Variants in PDZRN3 observed in about 807,000 individuals in gnomAD.
PDZRN3 encodes the protein PDZ domain containing ring finger 3, also known as E3 ubiquitin-protein ligase PDZRN3.
Under a neutral mutation model 85.7 loss-of-function variants are expected in PDZRN3, and 38 were observed. The observed-to-expected ratio is 0.44, with a 90% CI of 0.34 to 0.58. PDZRN3 has a LOEUF of 0.58. Among genes scored for constraint, PDZRN3 ranks in the 20% least tolerant of loss-of-function variants. The probability of loss-of-function intolerance (pLI) is 0.01; values close to 1 mark genes in which losing one functional copy is unlikely to be tolerated. For missense variants in PDZRN3, 1,629 were observed against 1,506.4 expected (o/e 1.08, Z -1.35); for synonymous variants, 759 against 638.0 (o/e 1.19, Z -2.86).
At chr3:73,413,440 C>G (rs971843811) in intron 3 of PDZRN3, among the ~76,000 whole-genome samples, 2 of 152,134 alleles carry the variant, frequency 1.3e-5, no homozygotes, top group Non-Finnish European at 2.9e-5. Context: ...TCGGGCAGTG[C>G]AATAAATGCT....
intron 6 of PDZRN3, among the ~76,000 whole-genome samples, chr3:73,390,802 T>C (rs1421639550): frequency 1.3e-5 from 2 of 152,150 alleles, no homozygotes; most frequent in South Asian, 2.1e-4. Context: ...TATGGCTGAT[T>C]TGCAGGCTTC....
intron 3 of PDZRN3, among the ~76,000 whole-genome samples, chr3:73,456,614 A>G (rs1702982675): frequency 2.6e-5 from 4 of 152,240 alleles, no homozygotes; most frequent in Admixed American, 1.3e-4. Flanking sequence ...AAAATGACTG[A>G]TAGGACAGTA....
intron 3 of PDZRN3, among the ~76,000 whole-genome samples, chr3:73,412,044 T>C (rs17540143): frequency 0.041 from 6,200 of 152,294 alleles, 128 homozygotes; most frequent in Middle Eastern, 0.051. Context: ...GCTGGTGGCT[T>C]TCACCTTGAA....
chr3:73,503,861 C>A (rs1026895761), intron 3 of PDZRN3, among the ~76,000 whole-genome samples: 1 of 152,068 alleles, frequency 6.6e-6, no homozygotes, highest in Non-Finnish European at 1.5e-5. Context: ...TGCTCTCTGA[C>A]ACATAGGAAA....
chr3:73,506,821 G>C lies in PDZRN3; in HGVS notation c.918+95533C>G, dbSNP rs2106697676. On this transcript the variant is annotated intron_variant, in intron 3 of 9. Coordinates refer to ENST00000263666, the MANE Select transcript of PDZRN3 (RefSeq NM_015009.3). ...TTAGGGAGGTTGACGCAGGAGGATG[G>C]CTTGAGCCCAGGTTGAGGATGCAAT... 1.3e-5 allele frequency among the ~76,000 whole-genome samples: 2 copies of C among 151,924 alleles called. 1 individual carries two copies. The highest frequency in any genetic ancestry group is 4.2e-4 in the South Asian group (2 of 4,802).
chr3:73,482,712 T>C (rs796422146), intron 3 of PDZRN3, among the ~76,000 whole-genome samples: 47 of 152,330 alleles, frequency 3.1e-4, no homozygotes, highest in African/African-American at 1.1e-3. Flanking sequence ...TCAGGGCTGG[T>C]CTGGACAGCC....
intron 3 of PDZRN3, among the ~76,000 whole-genome samples, chr3:73,419,062 T>C (rs1370871103): frequency 1.3e-5 from 2 of 152,148 alleles, no homozygotes; most frequent in African/African-American, 4.8e-5. Context: ...TAGATCCCTA[T>C]GACGGAGAAA....
intron 3 of PDZRN3, among the ~76,000 whole-genome samples, chr3:73,581,751 A>G (rs902513602): frequency 6.6e-6 from 1 of 152,154 alleles, no homozygotes; most frequent in Non-Finnish European, 1.5e-5. Flanking sequence ...CTATTACAGA[A>G]AACATGTTGG....
intron 3 of PDZRN3, among the ~76,000 whole-genome samples, chr3:73,567,691 C>T (rs1199448726): frequency 6.6e-6 from 1 of 152,150 alleles, no homozygotes; most frequent in African/African-American, 2.4e-5. Flanking sequence ...AATCCTCATA[C>T]CTCAAACAGC....
At chr3:73,399,066 G>A (rs1002296456) in intron 5 of PDZRN3, among the ~76,000 whole-genome samples, 11 of 152,134 alleles carry the variant, frequency 7.2e-5, no homozygotes, top group Non-Finnish European at 4.4e-5. Context: ...ACAGACAGGA[G>A]CATTTTTCCA....
chr3:73,397,952 A>C lies in PDZRN3; in HGVS notation c.1254+2970T>G, dbSNP rs567702244. On this transcript the variant is annotated intron_variant, in intron 5 of 9. Transcript: ENST00000263666. ...CGAAAAGCTAATGTCTAATGGTCCT[A>C]ATGGCTTGTGAGCTCCTTAAGGGCA... Among the ~76,000 whole-genome samples the C allele has an allele frequency of 3.9e-5, 6 of 152,270 alleles. No homozygotes were observed. In the South Asian group the frequency reaches 1.2e-3, roughly 32 times the overall value.
At chr3:73,471,792 T>G (rs1226401616) in intron 3 of PDZRN3, among the ~76,000 whole-genome samples, 3 of 152,264 alleles carry the variant, frequency 2.0e-5, no homozygotes, top group Non-Finnish European at 4.4e-5. Flanking sequence ...CCGTTTAGAA[T>G]GTTTATTCAC....
At chr3:73,495,301 T>TAA (rs11390546) in intron 3 of PDZRN3, among the ~76,000 whole-genome samples, 32,911 of 151,560 alleles carry the variant, frequency 0.22, 4,578 homozygotes, top group Non-Finnish European at 0.32. Flanking sequence ...ATTTTGCTTG[T>TAA]AAAAAAAAAT....
At chr3:73,442,323 G>T (rs376254330) in intron 3 of PDZRN3, among the ~76,000 whole-genome samples, 1 of 152,152 alleles carries the variant, frequency 6.6e-6, no homozygotes, top group East Asian at 1.9e-4. Context: ...TCAGGTGGCG[G>T]GCCTTTGCAT....
chr3:73,610,857 A>G (rs1232957739), intron 1 of PDZRN3, among the ~76,000 whole-genome samples: 4 of 152,274 alleles, frequency 2.6e-5, no homozygotes, highest in Non-Finnish European at 5.9e-5. Flanking sequence ...TGCATTGACA[A>G]TGATAACAGC....
intron 3 of PDZRN3, among the ~76,000 whole-genome samples, chr3:73,515,065 G>T (rs1346734311): frequency 6.6e-6 from 1 of 151,608 alleles, no homozygotes; most frequent in Non-Finnish European, 1.5e-5. Flanking sequence ...TACCCCTACA[G>T]ATTCATTGGT....
intron 2 of PDZRN3, among the ~76,000 whole-genome samples, chr3:73,603,658 A>G (rs1702549388): frequency 6.6e-6 from 1 of 152,202 alleles, no homozygotes; most frequent in Admixed American, 6.5e-5. Flanking sequence ...ATACATAAAA[A>G]TTCCATTTGT....
At chr3:73,473,368 C>T (rs1169834868) in intron 3 of PDZRN3, among the ~76,000 whole-genome samples, 2 of 151,916 alleles carry the variant, frequency 1.3e-5, no homozygotes, top group Non-Finnish European at 2.9e-5. Flanking sequence ...AGGGCTCCAT[C>T]TGTCTTTGGG....
At chr3:73,549,561 A>G (rs1701503783) in intron 3 of PDZRN3, among the ~76,000 whole-genome samples, 1 of 152,218 alleles carries the variant, frequency 6.6e-6, no homozygotes, top group Non-Finnish European at 1.5e-5. Context: ...CAAAGGTGGC[A>G]TCCTTTGTTG....
Sources: allele counts gnomAD v4.1 joint callset (sites outside exome capture counted in the v4.1 genomes callset), GRCh38; gene constraint gnomAD v4.1.1; transcripts MANE v1.5; gene names NCBI Gene and HGNC (gene_info 2026-07-23, HGNC 2026-07-21).